SGCZ: variants seen among roughly 807,000 people sequenced by gnomAD.
SGCZ encodes sarcoglycan zeta.
Under a neutral mutation model 41.3 loss-of-function variants are expected in SGCZ, and 40 were observed. The observed-to-expected ratio is 0.97, with a 90% CI of 0.75 to 1.26. SGCZ has a LOEUF of 1.26. Among genes scored for constraint, SGCZ ranks in the 50% most tolerant of loss-of-function variants. SGCZ has a pLI of 0.00. For synonymous variants in SGCZ, 206 were observed against 137.5 expected, an observed-to-expected ratio of 1.50 and a Z score of -3.49; for missense variants, 552 against 369.8, an observed-to-expected ratio of 1.49 and a Z score of -4.04.
chr8:14,807,990 C>A (rs1185619697), intron 1 of SGCZ, among the ~76,000 whole-genome samples: 1 of 151,496 alleles, frequency 6.6e-6, no homozygotes, highest in Non-Finnish European at 1.5e-5. Flanking sequence ...AAAGGATTCC[C>A]TATTTAATAA....
intron 1 of SGCZ, among the ~76,000 whole-genome samples, chr8:14,919,081 T>C (rs943773675): frequency 1.3e-5 from 2 of 152,164 alleles, no homozygotes; most frequent in Admixed American, 1.3e-4. Context: ...GTTGATTCAA[T>C]TAGTTAATAA....
chr8:15,091,008 G>A (rs1311020753), intron 1 of SGCZ, among the ~76,000 whole-genome samples: 1 of 152,118 alleles, frequency 6.6e-6, no homozygotes, highest in East Asian at 1.9e-4. Context: ...GCATCTACTT[G>A]ACTGACAGTT....
chr8:15,091,566 C>T (rs769448127), intron 1 of SGCZ, among the ~76,000 whole-genome samples: 1 of 152,128 alleles, frequency 6.6e-6, no homozygotes. Context: ...ATCACCAAAG[C>T]ACCGTGTTAA....
intron 1 of SGCZ, among the ~76,000 whole-genome samples, chr8:15,051,847 G>A (rs1349200799): frequency 1.3e-5 from 2 of 152,142 alleles, no homozygotes; most frequent in East Asian, 3.9e-4. Flanking sequence ...GCACTTAGAG[G>A]TGTGTTTAAG....
At chr8:14,951,480 T>C (rs775436117) in intron 1 of SGCZ, among the ~76,000 whole-genome samples, 68 of 152,162 alleles carry the variant, frequency 4.5e-4, no homozygotes, top group Middle Eastern at 3.4e-3. Flanking sequence ...TGGGATTATA[T>C]GGTGAGATAA....
At chr8:14,116,952 CT>C (rs1295132313) in intron 5 of SGCZ, among the ~76,000 whole-genome samples, 3 of 152,032 alleles carry the variant, frequency 2.0e-5, no homozygotes, top group Non-Finnish European at 4.4e-5. Context: ...TAAGCCATTA[CT>C]GCTTTTTGCA....
At chr8:14,610,674 T>C (rs768279012) in intron 1 of SGCZ, among the ~76,000 whole-genome samples, 2 of 152,272 alleles carry the variant, frequency 1.3e-5, no homozygotes, top group East Asian at 1.9e-4. Flanking sequence ...GTGATGATGA[T>C]ATAAGGCAGA....
chr8:14,388,476 A>G (rs2117210489), intron 2 of SGCZ, among the ~76,000 whole-genome samples: 1 of 152,310 alleles, frequency 6.6e-6, no homozygotes, highest in South Asian at 2.1e-4. Context: ...TATACCATCT[A>G]TCTGATGATT....
At chr8:15,168,824 C>T (rs1287860495) in intron 1 of SGCZ, among the ~76,000 whole-genome samples, 1 of 152,178 alleles carries the variant, frequency 6.6e-6, no homozygotes, top group East Asian at 1.9e-4. Flanking sequence ...ATCCTCCAAA[C>T]TGGGAAGAGT....
At chr8:14,733,455 C>T (rs1173170998) in intron 1 of SGCZ, among the ~76,000 whole-genome samples, 3 of 152,142 alleles carry the variant, frequency 2.0e-5, no homozygotes, top group Admixed American at 2.0e-4. Context: ...TCTTCTTTCC[C>T]GGCATTCATG....
In SGCZ at chr8:14,267,925, A is replaced by G. The variant is rs1319335300; in HGVS notation, c.337-30246T>C. 2.0e-5 allele frequency among the ~76,000 whole-genome samples: 3 copies of G among 152,030 alleles called. No individual in the cohort carries two copies. In the South Asian group the frequency reaches 6.2e-4, roughly 31 times the overall value. On this transcript the variant is annotated intron_variant, in intron 3 of 7. Transcript: ENST00000382080. ...TAGGTTCTTTCTGCATTTCTCTTAC[A>G]TCAGTTGCTAGAAAAAATCAAATTT...
chr8:14,311,214 T>G (rs1219807698), intron 3 of SGCZ, among the ~76,000 whole-genome samples: 1 of 152,130 alleles, frequency 6.6e-6, no homozygotes, highest in Non-Finnish European at 1.5e-5. Context: ...CTGATTTCAT[T>G]TTAAAATATT....
intron 1 of SGCZ, among the ~76,000 whole-genome samples, chr8:14,649,809 C>G (rs1195125377): frequency 6.6e-6 from 1 of 152,006 alleles, no homozygotes. Context: ...ATAAATTGTA[C>G]TTCCACCCAA....
At chr8:14,352,570 G>C (rs1803140127) in intron 2 of SGCZ, among the ~76,000 whole-genome samples, 2 of 152,082 alleles carry the variant, frequency 1.3e-5, no homozygotes, top group Non-Finnish European at 2.9e-5. Flanking sequence ...GGATTCTCTA[G>C]TGCCTCTGGC....
At chr8:14,902,052 C>A (rs1329918738) in intron 1 of SGCZ, among the ~76,000 whole-genome samples, 1 of 152,064 alleles carries the variant, frequency 6.6e-6, no homozygotes. Flanking sequence ...TTTTAGTGGA[C>A]ACTTTATTTC....
chr8:14,723,116 C>G (rs1022016246), intron 1 of SGCZ, among the ~76,000 whole-genome samples: 1 of 152,132 alleles, frequency 6.6e-6, no homozygotes, highest in African/African-American at 2.4e-5. Context: ...ATCACGGGAT[C>G]CTTTTCAAGA....
At chr8:14,248,406 G>T (rs1056108830) in intron 3 of SGCZ, among the ~76,000 whole-genome samples, 3 of 152,034 alleles carry the variant, frequency 2.0e-5, no homozygotes, top group African/African-American at 7.2e-5. Context: ...TCCCAGATGC[G>T]TATTTGTATA....
chr8:14,480,816 CAT>C (rs1271615371), intron 2 of SGCZ, among the ~76,000 whole-genome samples: 3 of 151,924 alleles, frequency 2.0e-5, no homozygotes, highest in African/African-American at 4.8e-5. Flanking sequence ...TCAAAGGTCA[CAT>C]ATGTCTTTAA....
chr8:14,628,697 T>A (rs1308470040), intron 1 of SGCZ, among the ~76,000 whole-genome samples: 1 of 152,110 alleles, frequency 6.6e-6, no homozygotes, highest in Non-Finnish European at 1.5e-5. Flanking sequence ...ACTCGTCTAA[T>A]ATCAAACTGC....
Sources: allele counts gnomAD v4.1 joint callset (sites outside exome capture counted in the v4.1 genomes callset), GRCh38; gene constraint gnomAD v4.1.1; transcripts MANE v1.5; gene names NCBI Gene and HGNC (gene_info 2026-07-23, HGNC 2026-07-21).